Variants in PRRX2 observed in about 807,000 individuals in gnomAD.
PRRX2 encodes paired mesoderm homeobox protein 2.
Under a neutral mutation model 18.0 loss-of-function variants are expected in PRRX2, and 11 were observed. The observed-to-expected ratio is 0.61, with a 90% CI of 0.39 to 1.01. The LOEUF (loss-of-function observed/expected upper bound fraction) is 1.01, where lower values mean the gene tolerates loss of function less well. Among genes scored for constraint, PRRX2 ranks in the 50% least tolerant of loss-of-function variants. The pLI is 0.01. For missense variants in PRRX2, 387 were observed against 351.0 expected, an observed-to-expected ratio of 1.10 and a Z score of -0.82; for synonymous variants, 177 against 154.8, an observed-to-expected ratio of 1.14 and a Z score of -1.06.
intron 1 of PRRX2, among the ~76,000 whole-genome samples, chr9:129,700,108 C>T (rs1228561708): frequency 1.3e-5 from 2 of 152,354 alleles, no homozygotes; most frequent in East Asian, 1.9e-4. Context: ...GTGCCAGGCA[C>T]TGCTTTAAGA....
chr9:129,679,108 G>T (rs998001718), intron 1 of PRRX2, among the ~76,000 whole-genome samples: 3 of 152,206 alleles, frequency 2.0e-5, no homozygotes, highest in Non-Finnish European at 4.4e-5. Context: ...GGGGACGGGG[G>T]TGCAGATGTC....
intron 1 of PRRX2, among the ~76,000 whole-genome samples, chr9:129,694,137 G>T (rs1832393393): frequency 6.6e-6 from 1 of 152,110 alleles, no homozygotes; most frequent in South Asian, 2.1e-4. Flanking sequence ...GCCAGCCCCG[G>T]CCTGAGTGTG....
At chr9:129,699,769 C>A (rs1207810802) in intron 1 of PRRX2, among the ~76,000 whole-genome samples, 1 of 152,212 alleles carries the variant, frequency 6.6e-6, no homozygotes, top group Non-Finnish European at 1.5e-5. Context: ...AGGATGAATT[C>A]TTTCCTTGGG....
At chr9:129,683,473 C>T (rs970744232) in intron 1 of PRRX2, among the ~76,000 whole-genome samples, 2 of 151,828 alleles carry the variant, frequency 1.3e-5, no homozygotes, top group African/African-American at 2.4e-5. Context: ...CGGTGGCTCA[C>T]GCCTGTAATC....
At position 129,709,424 on chromosome 9, in the gene PRRX2, C is replaced by T. The variant is rs1172568652; in HGVS notation, c.260-9807C>T. On this transcript the variant is annotated intron_variant, in intron 1 of 3. Coordinates refer to ENST00000372469, the MANE Select transcript of PRRX2 (RefSeq NM_016307.4). This position sits in a 1 kb window ranked among gnomAD's most constrained non-coding sequence, Gnocchi z 4.2. ...CTCCAAACTCCAGGGTCATCCTGAG[C>T]CTGCGGAGGCCACACTAGCCACCAT... Among the ~76,000 whole-genome samples the T allele has an allele frequency of 1.3e-5, 2 of 152,194 alleles. No homozygotes were observed. The highest frequency in any genetic ancestry group is 2.9e-5 in the Non-Finnish European group (2 of 68,048).
At chr9:129,684,987 A>T (rs1417302296) in intron 1 of PRRX2, among the ~76,000 whole-genome samples, 3 of 152,184 alleles carry the variant, frequency 2.0e-5, no homozygotes, top group Non-Finnish European at 4.4e-5. Context: ...AGGCCTGGAC[A>T]ACTGCCACTG....
rs58405360 is a variant in PRRX2 at position 129,715,750 on chromosome 9, T to TCA, written c.260-3439_260-3438dup. On this transcript the variant is annotated intron_variant, in intron 1 of 3. Coordinates refer to ENST00000372469, the MANE Select transcript of PRRX2 (RefSeq NM_016307.4). This position sits in a 1 kb window ranked among gnomAD's most constrained non-coding sequence, Gnocchi z 4.0. Reference sequence around the variant, plus strand: ...AAACCCAGCTTCAGGGACATCTTTCTCACACACACACACACACACACACAC... The same window carrying TCA: ...AAACCCAGCTTCAGGGACATCTTTCTCACACACACACACACACACACACACAC... Among the ~76,000 whole-genome samples, 20,614 of 138,700 alleles carry TCA rather than the reference T, an allele frequency of 0.15. 1,405 individuals carry two copies. Among genetic ancestry groups the TCA allele is most frequent in the African/African-American group, 0.17 (6,165 of 36,804 alleles). The allele number at this position is 138,700 out of a possible 152,430, so 91.0% of individuals were successfully genotyped here.
At chr9:129,702,840 A>C (rs951762976) in intron 1 of PRRX2, among the ~76,000 whole-genome samples, 5 of 152,250 alleles carry the variant, frequency 3.3e-5, no homozygotes, top group African/African-American at 1.2e-4. Flanking sequence ...ATGTGGTGCC[A>C]GCCTCTTCAC....
intron 1 of PRRX2, among the ~76,000 whole-genome samples, chr9:129,668,588 G>A (rs1194143788): frequency 6.6e-6 from 1 of 151,708 alleles, no homozygotes; most frequent in East Asian, 1.9e-4. Context: ...GACAAGTCTG[G>A]CTAACATGGT....
chr9:129,713,192 C>G (rs1456945816), intron 1 of PRRX2: 2 of 152,248 alleles, frequency 1.3e-5, no homozygotes, highest in African/African-American at 4.8e-5. Context: ...CCCCATCTTT[C>G]TGCTGTAGGC....
chr9:129,694,898 G>C (rs1381928196), intron 1 of PRRX2, among the ~76,000 whole-genome samples: 1 of 152,168 alleles, frequency 6.6e-6, no homozygotes, highest in Non-Finnish European at 1.5e-5. Context: ...TCATGGCTGG[G>C]CCAGCCTTCT....
intron 1 of PRRX2, among the ~76,000 whole-genome samples, chr9:129,708,123 C>T (rs1832579437): frequency 6.6e-6 from 1 of 152,096 alleles, no homozygotes; most frequent in Non-Finnish European, 1.5e-5. Context: ...GCAACCTCCA[C>T]CTCCCAGGTT....
intron 3 of PRRX2, among the ~76,000 whole-genome samples, chr9:129,721,205 C>T (rs1832787186): frequency 6.6e-6 from 1 of 152,142 alleles, no homozygotes; most frequent in South Asian, 2.1e-4. Context: ...TAGGCTGTCA[C>T]GGGGGCCCCA....
intron 1 of PRRX2, among the ~76,000 whole-genome samples, chr9:129,678,696 C>G (rs71499476): frequency 0.019 from 2,880 of 152,186 alleles, 34 homozygotes; most frequent in Middle Eastern, 0.054. Context: ...ATCTGGCAGA[C>G]CTTGTTTGAG....
chr9:129,669,064 AAAAG>A (rs143573252), intron 1 of PRRX2, among the ~76,000 whole-genome samples: 66 of 150,942 alleles, frequency 4.4e-4, no homozygotes, highest in South Asian at 8.3e-4. Context: ...GGAGAAAAAA[AAAAG>A]AAAGAAAGAA....
Position 129,665,822 on chromosome 9 carries a change from C to A in PRRX2, c.-46C>A, listed in dbSNP as rs1588158516. 1 of 1,023,890 alleles carries A rather than the reference C, an allele frequency of 9.8e-7. No homozygotes were observed. The highest frequency in any genetic ancestry group is 9.5e-5 in the East Asian group (1 of 10,484). 63.4% of individuals were successfully genotyped at this position (1,023,890 alleles called of 1,614,324 possible). ...CCCGCGCCCGCGACCCTTCCTGGGA[C>A]CCGAGCCCGAGACCCCCGCCGGCCC... On this transcript the variant is annotated 5_prime_UTR_variant, in exon 1 of 4. Transcript: ENST00000372469. This position sits in a 1 kb window ranked among gnomAD's most constrained non-coding sequence, Gnocchi z 5.3.
chr9:129,713,984 A>G (rs1182692046), intron 1 of PRRX2, among the ~76,000 whole-genome samples: 7 of 151,756 alleles, frequency 4.6e-5, no homozygotes, highest in Non-Finnish European at 4.4e-5. Flanking sequence ...ACGTTGGGCA[A>G]GACACTCTCA....
chr9:129,717,324 C>T (rs185538798), intron 1 of PRRX2, among the ~76,000 whole-genome samples: 7 of 152,248 alleles, frequency 4.6e-5, no homozygotes, highest in Middle Eastern at 3.4e-3. Flanking sequence ...CCTGCCTCAG[C>T]GTCCCGAAGT....
chr9:129,718,177 C>T (rs1310295471), intron 1 of PRRX2, among the ~76,000 whole-genome samples: 1 of 152,094 alleles, frequency 6.6e-6, no homozygotes, highest in Non-Finnish European at 1.5e-5. Flanking sequence ...TACCACAGGC[C>T]AGCACCACCC....
Sources: allele counts gnomAD v4.1 joint callset (sites outside exome capture counted in the v4.1 genomes callset), GRCh38; gene constraint gnomAD v4.1.1; non-coding constraint Gnocchi (gnomAD v3.1); transcripts MANE v1.5; gene names NCBI Gene and HGNC (gene_info 2026-07-23, HGNC 2026-07-21).